Variants in CRYM observed in about 807,000 individuals in gnomAD.
The protein encoded by CRYM is crystallin mu, also known as ketimine reductase mu-crystallin.
A neutral mutation model predicts 32.9 loss-of-function variants in CRYM; 18 were observed. That is an observed-to-expected ratio of 0.55 (90% CI 0.38 to 0.81). The LOEUF (loss-of-function observed/expected upper bound fraction) is 0.81. Ranked by LOEUF, CRYM falls within the 30% of genes least tolerant of loss-of-function variation. CRYM has a pLI of 0.00. For synonymous variants in CRYM, 153 were observed against 152.4 expected (o/e 1.00, Z -0.03); for missense variants, 337 against 393.5 (o/e 0.86, Z 1.21).
chr16:21,278,418 T>C, upstream of CRYM: 2 of 774,050 alleles, frequency 2.6e-6, no homozygotes, highest in Admixed American at 2.2e-5. Context: ...CTCCTCCCCC[T>C]TCGCCCACCT....
intron 5 of CRYM, among the ~76,000 whole-genome samples, chr16:21,265,380 C>A: frequency 6.6e-6 from 1 of 152,206 alleles, no homozygotes; most frequent in Non-Finnish European, 1.5e-5. Context: ...TCATTCAGGT[C>A]ACAGCTCAAA....
At chr16:21,287,506 G>A (rs2093409467) in intron 1 of CRYM, among the ~76,000 whole-genome samples, 1 of 152,182 alleles carries the variant, frequency 6.6e-6, no homozygotes, top group African/African-American at 2.4e-5. Context: ...GATAGCTTGA[G>A]GATAGGTGCT....
rs184587016 is a variant in CRYM, at chr16:21,276,874, C to G, written c.324+557G>C. Among the ~76,000 whole-genome samples, 167 of 152,198 alleles carry G rather than the reference C, an allele frequency of 1.1e-3. 2 individuals are homozygous for G. The highest frequency in any genetic ancestry group is 0.011 in the Admixed American group (167 of 15,274). On this transcript the variant is annotated intron_variant, in intron 2 of 7. Coordinates refer to ENST00000572914, the MANE Select transcript of CRYM (RefSeq NM_001376256.1). ...CTATAAAGTGGGAGTAATCATATTA[C>G]CCATATCATAGAATAGTTTTAAGTA...
chr16:21,301,723 C>G (rs142753887), intron 1 of CRYM, among the ~76,000 whole-genome samples: 1 of 152,242 alleles, frequency 6.6e-6, no homozygotes, highest in African/African-American at 2.4e-5. Flanking sequence ...CTGCGCGCCC[C>G]CAGCCCTAGT....
chr16:21,297,410 G>T (rs1400250602), intron 1 of CRYM, among the ~76,000 whole-genome samples: 1 of 151,978 alleles, frequency 6.6e-6, no homozygotes, highest in Non-Finnish European at 1.5e-5. Flanking sequence ...AGAGAAAAGA[G>T]TCACAAAGAC....
At chr16:21,283,278 A>G (rs2093401354), upstream of CRYM, among the ~76,000 whole-genome samples, 1 of 152,180 alleles carries the variant, frequency 6.6e-6, no homozygotes, top group Non-Finnish European at 1.5e-5. Flanking sequence ...AGTCATGATA[A>G]ATATTAAACT....
intron 5 of CRYM, chr16:21,262,460 A>C (rs978507973): frequency 2.5e-5 from 9 of 361,744 alleles, no homozygotes; most frequent in Non-Finnish European, 3.8e-5. Flanking sequence ...TCTACTAAAA[A>C]TACAAAAAAT....
intron 4 of CRYM, among the ~76,000 whole-genome samples, chr16:21,268,164 G>A (rs1475275678): frequency 6.6e-6 from 1 of 152,164 alleles, no homozygotes; most frequent in Non-Finnish European, 1.5e-5. Flanking sequence ...CTGTAAAATG[G>A]AAATATAACT....
At chr16:21,272,163 G>A (rs533735165) in intron 3 of CRYM, among the ~76,000 whole-genome samples, 3 of 152,038 alleles carry the variant, frequency 2.0e-5, no homozygotes, top group South Asian at 2.1e-4. Context: ...GCACCCAGCC[G>A]ATTTTTAATC....
rs548601974 is a variant in CRYM at position 21,277,224 on chromosome 16, G to T, written c.324+207C>A. ...ACTGTCACATGCTTGAGGCAGCAGT[G>T]GGCGCTGGTGCCGTGTTATGCATCC... On this transcript the variant is annotated intron_variant, in intron 2 of 7. Transcript: ENST00000572914. This position sits in a 1 kb window ranked among gnomAD's most constrained non-coding sequence, Gnocchi z 4.2. Among the ~76,000 whole-genome samples the T allele has an allele frequency of 6.6e-6, 1 of 152,308 alleles. No homozygotes were observed. Among genetic ancestry groups the T allele is most frequent in the South Asian group, 2.1e-4 (1 of 4,822 alleles).
At chr16:21,266,962 T>C (rs1299247780) in intron 5 of CRYM, among the ~76,000 whole-genome samples, 1 of 151,208 alleles carries the variant, frequency 6.6e-6, no homozygotes, top group Non-Finnish European at 1.5e-5. Context: ...AGCTGAGATC[T>C]CGCCACTGCA....
intron 5 of CRYM, among the ~76,000 whole-genome samples, chr16:21,265,963 C>T (rs2093363016): frequency 6.6e-6 from 1 of 152,204 alleles, no homozygotes; most frequent in Non-Finnish European, 1.5e-5. Context: ...GTGGCTCACG[C>T]CTGTAATCCC....
At chr16:21,290,544 A>G (rs1372288615) in intron 1 of CRYM, among the ~76,000 whole-genome samples, 3 of 152,076 alleles carry the variant, frequency 2.0e-5, no homozygotes, top group Admixed American at 2.0e-4. Context: ...CCAAGAACCC[A>G]CGGGAGGGAA....
At chr16:21,279,551 C>T (rs555839363), upstream of CRYM, among the ~76,000 whole-genome samples, 3 of 152,272 alleles carry the variant, frequency 2.0e-5, no homozygotes, top group South Asian at 2.1e-4. Flanking sequence ...AAACTGAGAA[C>T]GATTCTTGGA....
intron 1 of CRYM, among the ~76,000 whole-genome samples, chr16:21,300,662 A>G (rs117936662): frequency 5.9e-4 from 90 of 152,166 alleles, no homozygotes; most frequent in Non-Finnish European, 1.2e-3. Flanking sequence ...GATGTTCTAT[A>G]CAGTCCTGGA....
chr16:21,269,931 C>T, intron 3 of CRYM, 40 bp from the exon 4 acceptor site: 1 of 1,437,238 alleles, frequency 7.0e-7, no homozygotes, highest in Non-Finnish European at 9.8e-7. Flanking sequence ...CAAGGGAGAC[C>T]CTAGCAGACG....
intron 1 of CRYM, among the ~76,000 whole-genome samples, chr16:21,289,295 T>A (rs1475065649): frequency 6.6e-6 from 1 of 152,256 alleles, no homozygotes; most frequent in Non-Finnish European, 1.5e-5. Context: ...TGTATCTTCT[T>A]CATGAATTAA....
At chr16:21,300,575 A>C (rs562367748) in intron 1 of CRYM, 2 of 152,060 alleles carry the variant, frequency 1.3e-5, no homozygotes, top group African/African-American at 4.8e-5. Context: ...AGTCCCAATA[A>C]ACTCATCTAC....
At chr16:21,293,171 G>A (rs1046852781) in intron 1 of CRYM, among the ~76,000 whole-genome samples, 6 of 152,182 alleles carry the variant, frequency 3.9e-5, no homozygotes, top group South Asian at 2.1e-4. Flanking sequence ...AGTGGTCATG[G>A]CCCTAACCTG....
Sources: gnomAD v4.1 joint callset for allele counts (sites outside exome capture counted in the v4.1 genomes callset) on GRCh38, gnomAD v4.1.1 for gene constraint, Gnocchi (gnomAD v3.1) non-coding constraint, MANE v1.5 for transcripts, NCBI Gene and HGNC (gene_info 2026-07-23, HGNC 2026-07-21) for gene names.